The following CTNNAL1 variants were observed in gnomAD, a reference collection of about 807,000 sequenced individuals.
CTNNAL1 encodes the protein alpha-catulin.
A neutral mutation model predicts 93.6 loss-of-function variants in CTNNAL1; 69 were observed. The observed-to-expected ratio is 0.74, with a 90% CI of 0.61 to 0.90. The LOEUF is 0.90. Ranked by LOEUF, CTNNAL1 falls within the 40% of genes least tolerant of loss-of-function variation. CTNNAL1 has a pLI of 0.00. For synonymous variants in CTNNAL1, 286 were observed against 305.4 expected (o/e 0.94, Z 0.66); for missense variants, 836 against 862.0 (o/e 0.97, Z 0.38).
At chr9:108,954,233 G>A (rs1390731829) in intron 12 of CTNNAL1, among the ~76,000 whole-genome samples, 1 of 152,226 alleles carries the variant, frequency 6.6e-6, no homozygotes, top group Admixed American at 6.5e-5. Context: ...AAAGCTAAAA[G>A]ACGTCAGTCC....
intron 2 of CTNNAL1, among the ~76,000 whole-genome samples, chr9:108,998,286 A>G (rs1192738723): frequency 6.6e-6 from 1 of 152,182 alleles, no homozygotes; most frequent in East Asian, 1.9e-4. Context: ...TCAACCTCCC[A>G]CAACAGAGAA....
chr9:108,967,384 T>TCACACACA (rs74384717), intron 10 of CTNNAL1, among the ~76,000 whole-genome samples: 1 of 151,880 alleles, frequency 6.6e-6, no homozygotes, highest in Non-Finnish European at 1.5e-5. Context: ...ATGGGATTAT[T>TCACACACA]CACACACACA....
intron 4 of CTNNAL1, among the ~76,000 whole-genome samples, chr9:108,987,688 A>T (rs1831658169): frequency 6.6e-6 from 1 of 152,002 alleles, no homozygotes; most frequent in Non-Finnish European, 1.5e-5. Context: ...ATTTGTTTGT[A>T]TCCTCTTTTA....
Position 108,992,733 on chromosome 9 carries a change from CT to C in CTNNAL1, c.417del (p.Gly140GlufsTer2). 3 of 1,613,918 alleles carry C rather than the reference CT, an allele frequency of 1.9e-6. No individual in the cohort carries two copies. The African/African-American group carries it at 4.0e-5, about 22-fold the overall frequency. The part of the protein sequence containing the change: ...DGQITIFTDK[T>X]GVIKAARLLL... Reference sequence around the variant, plus strand: ...AGTAATCTTGCAGCCTTTATCACTCCTGTTTTGTCTGTAAAAATTGTGATCT... The same window carrying C: ...AGTAATCTTGCAGCCTTTATCACTCCGTTTTGTCTGTAAAAATTGTGATCT... On this transcript the variant is annotated frameshift_variant, in exon 3 of 19. Coordinates refer to ENST00000325551, the MANE Select transcript of CTNNAL1 (RefSeq NM_003798.4). LOFTEE classifies it high-confidence loss of function.
chr9:108,959,035 G>A (rs757081532), intron 11 of CTNNAL1, among the ~76,000 whole-genome samples: 11 of 151,872 alleles, frequency 7.2e-5, no homozygotes, highest in African/African-American at 1.7e-4. Context: ...AGGCCAATGC[G>A]GGAGGGTTAC....
chr9:108,947,714 A>G (rs1411780702), intron 15 of CTNNAL1, among the ~76,000 whole-genome samples: 1 of 152,224 alleles, frequency 6.6e-6, no homozygotes. Context: ...CTAAATCATC[A>G]TGAATACTGA....
At chr9:108,993,209 G>A (rs1324706469) in intron 2 of CTNNAL1, among the ~76,000 whole-genome samples, 6 of 152,160 alleles carry the variant, frequency 3.9e-5, no homozygotes, top group Non-Finnish European at 7.4e-5. Flanking sequence ...GGGCTGGGGC[G>A]AGGCCGGGGA....
intron 9 of CTNNAL1, among the ~76,000 whole-genome samples, chr9:108,971,927 T>G (rs1831126684): frequency 6.6e-6 from 1 of 152,192 alleles, no homozygotes; most frequent in South Asian, 2.1e-4. Context: ...TGTCCCTCCT[T>G]AACTGCTCTC....
chr9:108,972,856 GGGGGTGGGAGGGTGGA>G, intron 8 of CTNNAL1, 23 bp from the exon 9 acceptor site: 3 of 576,564 alleles, frequency 5.2e-6, no homozygotes, highest in Non-Finnish European at 8.3e-6. Flanking sequence ...GTGTGGGTGG[GGGGGTGGGAGGGTGGA>G]GAAGGAGAAG....
intron 11 of CTNNAL1, among the ~76,000 whole-genome samples, chr9:108,957,583 T>C (rs1354217602): frequency 6.6e-6 from 1 of 152,182 alleles, no homozygotes; most frequent in African/African-American, 2.4e-5. Context: ...ATTTTATTAA[T>C]TAATGGCTTT....
chr9:108,979,016 A>G (rs1332233160), intron 7 of CTNNAL1, among the ~76,000 whole-genome samples: 1 of 152,166 alleles, frequency 6.6e-6, no homozygotes, highest in Non-Finnish European at 1.5e-5. Flanking sequence ...TAGGGACAAC[A>G]GTGTGAACTA....
Position 108,965,329 on chromosome 9 carries a change from G to C in CTNNAL1, c.1591+49C>G, listed in dbSNP as rs767107643. ...AGGTTTGGCATTAAAAAACTAACAA[G>C]AGTTACATTAAAATAATAACATATT... On this transcript the variant is annotated intron_variant, in intron 11 of 18. Transcript: ENST00000325551. The C allele has an allele frequency of 2.3e-6, 3 of 1,310,310 alleles. No individual in the cohort carries two copies. The African/African-American group carries it at 4.5e-5, about 20-fold the overall frequency. 81.2% of individuals were successfully genotyped at this position (1,310,310 alleles called of 1,614,324 possible). A position where few individuals can be genotyped will look rare whatever the true frequency, so the allele number is the denominator to read the frequency against.
chr9:108,943,182 A>G, intron 17 of CTNNAL1, 138 bp from the exon 18 acceptor site: 1 of 780,062 alleles, frequency 1.3e-6, no homozygotes, highest in Non-Finnish European at 2.0e-6. Flanking sequence ...ATTTAGGCAC[A>G]TGAGCTGACT....
At chr9:108,960,431 G>A (rs1351968926) in intron 11 of CTNNAL1, among the ~76,000 whole-genome samples, 1 of 152,066 alleles carries the variant, frequency 6.6e-6, no homozygotes, top group Non-Finnish European at 1.5e-5. Flanking sequence ...CCACGAACAT[G>A]TTTATCTTCC....
At chr9:108,952,850 T>A (rs1435117028) in intron 12 of CTNNAL1, among the ~76,000 whole-genome samples, 4 of 152,220 alleles carry the variant, frequency 2.6e-5, no homozygotes, top group Non-Finnish European at 5.9e-5. Flanking sequence ...CCCTGGCTTC[T>A]CTGTTCAACA....
At position 108,943,771 on chromosome 9, in the gene CTNNAL1, G is replaced by C; in HGVS notation, c.1987C>G (p.Leu663Val). Residue 663 changes from leucine (L) to valine (V), a missense_variant, in exon 17 of 19, where the codon CTA (leucine) becomes GTA (valine). By Grantham distance (32) the Leu-to-Val change is conservative. Coordinates refer to ENST00000325551, the MANE Select transcript of CTNNAL1 (RefSeq NM_003798.4). ...KLMLLLEINK[L>V]IPLCHQLQTV... ...TGGAGCTGGTGGCATAGAGGAATTA[G>C]CTTGTTTATTTCCAGGAGAAGCATA... 6.2e-7 allele frequency: 1 copy of C among 1,613,854 alleles called. No homozygotes were observed.
intron 2 of CTNNAL1, among the ~76,000 whole-genome samples, chr9:108,998,067 A>T (rs1227836362): frequency 6.6e-6 from 1 of 152,176 alleles, no homozygotes; most frequent in Non-Finnish European, 1.5e-5. Flanking sequence ...CCTTCATTCC[A>T]TTGCAGTCTC....
chr9:108,993,621 T>C (rs372280018), intron 2 of CTNNAL1, among the ~76,000 whole-genome samples: 19 of 152,368 alleles, frequency 1.2e-4, no homozygotes, highest in Admixed American at 8.5e-4. Context: ...ATTTCTGTAA[T>C]GGTAATTATC....
intron 8 of CTNNAL1, 35 bp from the exon 9 acceptor site, chr9:108,972,868 G>GCCCCCCCCGGC: frequency 1.8e-6 from 2 of 1,092,782 alleles, no homozygotes; most frequent in East Asian, 3.3e-5. Context: ...GGGTGGGAGG[G>GCCCCCCCCGGC]TGGAGAAGGA....
Sources: gnomAD v4.1 joint callset for allele counts (sites outside exome capture counted in the v4.1 genomes callset) on GRCh38, gnomAD v4.1.1 for gene constraint, MANE v1.5 for transcripts, NCBI Gene and HGNC (gene_info 2026-07-23, HGNC 2026-07-21) for gene names.